Variants in ZFPM2 observed in about 807,000 individuals in gnomAD.
ZFPM2 encodes the protein zinc finger protein ZFPM2.
ZFPM2 carries 20 observed loss-of-function variants against 98.6 expected under a neutral mutation model. The ratio of observed to expected loss-of-function variants is 0.20; its 90% CI spans 0.14 to 0.29. ZFPM2 has a LOEUF of 0.29. Ranked by LOEUF, ZFPM2 falls within the 10% of genes least tolerant of loss-of-function variation. The pLI is 1.00. For synonymous variants in ZFPM2, 518 were observed against 502.7 expected (o/e 1.03, Z -0.41); for missense variants, 1,310 against 1,388.6 (o/e 0.94, Z 0.90).
chr8:105,789,048 CT>C (rs1428653377), intron 6 of ZFPM2, 124 bp downstream of exon 6: 4 of 730,690 alleles, frequency 5.5e-6, no homozygotes, highest in Admixed American at 6.8e-5. Context: ...TTCATTTTAT[CT>C]TTTTTCTTTT....
At chr8:105,538,985 C>T (rs772698774) in intron 3 of ZFPM2, among the ~76,000 whole-genome samples, 1 of 152,144 alleles carries the variant, frequency 6.6e-6, no homozygotes, top group Non-Finnish European at 1.5e-5. Context: ...TGCCACTGCA[C>T]TCCAGCCTAG....
rs541996474 is a variant in ZFPM2 at position 105,455,575 on chromosome 8, G to A, written c.301+11194G>A. On this transcript the variant is annotated intron_variant, in intron 3 of 7. Transcript: ENST00000407775. The stretch of plus-strand genomic sequence containing the variant: ...GACATATAATTCAGAGAAGTCACAT[G>A]CTCATATTTGCATTAAGAATAAAAA... Among the ~76,000 whole-genome samples, 209 of 147,772 alleles carry A rather than the reference G, an allele frequency of 1.4e-3. 2 individuals are homozygous for A. Among genetic ancestry groups the A allele is most frequent in the African/African-American group, 4.9e-3 (197 of 40,588 alleles).
chr8:105,372,416 G>A (rs1810642400), intron 1 of ZFPM2, among the ~76,000 whole-genome samples: 1 of 152,152 alleles, frequency 6.6e-6, no homozygotes. Flanking sequence ...TCTAAGCAAA[G>A]GGTATGTGCA....
intron 3 of ZFPM2, among the ~76,000 whole-genome samples, chr8:105,512,744 T>C (rs1471826313): frequency 6.6e-6 from 1 of 152,196 alleles, no homozygotes; most frequent in Non-Finnish European, 1.5e-5. Flanking sequence ...TTTCTGTAGA[T>C]TAATTGGTCA....
chr8:105,582,005 T>C (rs1402876505), intron 4 of ZFPM2, among the ~76,000 whole-genome samples: 1 of 152,224 alleles, frequency 6.6e-6, no homozygotes, highest in Non-Finnish European at 1.5e-5. Flanking sequence ...GGATCAGACA[T>C]TAGTTGGAAT....
At chr8:105,635,407 C>A (rs1816826934) in intron 5 of ZFPM2, among the ~76,000 whole-genome samples, 2 of 151,872 alleles carry the variant, frequency 1.3e-5, no homozygotes, top group African/African-American at 4.8e-5. Flanking sequence ...TGTCTCTTAA[C>A]TACCATAAGC....
chr8:105,673,262 AT>A (rs368759700), intron 5 of ZFPM2, among the ~76,000 whole-genome samples: 31 of 107,424 alleles, frequency 2.9e-4, no homozygotes, highest in South Asian at 5.4e-4. Flanking sequence ...ATCAAGTCTC[AT>A]TTTTTTTTTG....
At chr8:105,685,348 A>G (rs559341843) in intron 5 of ZFPM2, among the ~76,000 whole-genome samples, 8 of 152,252 alleles carry the variant, frequency 5.3e-5, no homozygotes, top group South Asian at 2.1e-4. Context: ...TGGAAAATGT[A>G]TCAGATGATA....
intron 1 of ZFPM2, among the ~76,000 whole-genome samples, chr8:105,331,647 A>C (rs1163540060): frequency 2.0e-5 from 3 of 151,748 alleles, no homozygotes; most frequent in Non-Finnish European, 4.4e-5. Flanking sequence ...ATAGGCTTTG[A>C]AGAGTTTGTG....
intron 4 of ZFPM2, among the ~76,000 whole-genome samples, chr8:105,622,687 T>A (rs1042239831): frequency 2.6e-5 from 4 of 152,136 alleles, no homozygotes; most frequent in Non-Finnish European, 5.9e-5. Context: ...TTTCTCATTG[T>A]CACTCCCAAG....
At chr8:105,632,486 T>C (rs1816772263) in intron 4 of ZFPM2, among the ~76,000 whole-genome samples, 1 of 152,176 alleles carries the variant, frequency 6.6e-6, no homozygotes, top group African/African-American at 2.4e-5. Context: ...TCCTGATCTA[T>C]GGATTTATCT....
In ZFPM2 at chr8:105,380,846, T is replaced by TATAA. The variant is rs1810864108; in HGVS notation, c.41-38298_41-38297insATAA. 5.0e-5 allele frequency among the ~76,000 whole-genome samples: 4 copies of TATAA among 80,014 alleles called. No homozygotes were observed. The South Asian group carries it at 1.1e-3, about 22-fold the overall frequency. The allele number at this position is 80,014 out of a possible 152,430, so 52.5% of individuals were successfully genotyped here. A position where few individuals can be genotyped will look rare whatever the true frequency, so the allele number is the denominator to read the frequency against. On this transcript the variant is annotated intron_variant, in intron 1 of 7. Transcript: ENST00000407775. ...ATATATAATATATATGTTATATATATTATAATATATATAATATATAATATA... is the reference window on the plus strand; with the variant it reads ...ATATATAATATATATGTTATATATATATAATATAATATATATAATATATAATATA...
chr8:105,527,850 T>C (rs1814209736), intron 3 of ZFPM2, among the ~76,000 whole-genome samples: 2 of 152,190 alleles, frequency 1.3e-5, no homozygotes. Flanking sequence ...ATGGAAGCAT[T>C]AGAATTATGT....
At position 105,444,368 on chromosome 8, in the gene ZFPM2, C is replaced by G; in HGVS notation, c.288C>G (p.Asp96Glu). The change falls in exon 3 of 8, where the codon GAC becomes GAG. Residue 96 changes from aspartate (D) to glutamate (E), a missense_variant. Physicochemically the swap from Asp to Glu is conservative, Grantham distance 45. Transcript: ENST00000407775. Reference sequence around the variant, plus strand: ...GGCAACCTGGAGTTGAGACAGACGACTGGGATGGACCAGGTAGGGGAGAAT... The same window carrying G: ...GGCAACCTGGAGTTGAGACAGACGAGTGGGATGGACCAGGTAGGGGAGAAT... ...KPGQPGVETD[D>E]WDGPGELEVF... 6.2e-7 allele frequency: 1 copy of G among 1,611,154 alleles called. No individual in the cohort carries two copies. The highest frequency in any genetic ancestry group is 8.5e-7 in the Non-Finnish European group (1 of 1,178,426).
chr8:105,384,290 C>G (rs560192186), intron 1 of ZFPM2, among the ~76,000 whole-genome samples: 2 of 152,086 alleles, frequency 1.3e-5, no homozygotes, highest in African/African-American at 4.8e-5. Context: ...TGATGACCCA[C>G]GCAAAGCTCC....
At chr8:105,703,837 A>G (rs1256973241) in intron 5 of ZFPM2, among the ~76,000 whole-genome samples, 2 of 152,154 alleles carry the variant, frequency 1.3e-5, no homozygotes, top group African/African-American at 2.4e-5. Flanking sequence ...CTGTTTTAAT[A>G]TATGTCTTTC....
At chr8:105,613,189 G>A (rs1169617690) in intron 4 of ZFPM2, among the ~76,000 whole-genome samples, 3 of 152,098 alleles carry the variant, frequency 2.0e-5, no homozygotes, top group South Asian at 2.1e-4. Context: ...TGTTCAATAC[G>A]TCAGCATAGC....
chr8:105,440,265 A>T (rs1477021803), intron 2 of ZFPM2, among the ~76,000 whole-genome samples: 1 of 152,144 alleles, frequency 6.6e-6, no homozygotes, highest in Non-Finnish European at 1.5e-5. Flanking sequence ...TTTTGTGATT[A>T]CTTTCTATTT....
chr8:105,329,523 T>C (rs767218361), intron 1 of ZFPM2, among the ~76,000 whole-genome samples: 115 of 151,864 alleles, frequency 7.6e-4, no homozygotes, highest in Non-Finnish European at 1.4e-3. Context: ...TTGCAATATA[T>C]AATGACTTTT....
Sources: gnomAD v4.1 joint callset for allele counts (sites outside exome capture counted in the v4.1 genomes callset) on GRCh38, gnomAD v4.1.1 for gene constraint, MANE v1.5 for transcripts, NCBI Gene and HGNC (gene_info 2026-07-23, HGNC 2026-07-21) for gene names.